Variants in TIAM2 observed in about 807,000 individuals in gnomAD.
TIAM2 encodes TIAM Rac1 associated GEF 2.
A neutral mutation model predicts 152.9 loss-of-function variants in TIAM2; 80 were observed. The ratio of observed to expected loss-of-function variants is 0.52; its 90% CI spans 0.44 to 0.63. TIAM2 has a LOEUF of 0.63. TIAM2 is among the 30% of genes least tolerant of loss of function. The pLI is 0.00. For missense variants in TIAM2, 1,965 were observed against 2,120.1 expected (o/e 0.93, Z 1.44); for synonymous variants, 804 against 838.0 (o/e 0.96, Z 0.70).
At position 155,130,431 on chromosome 6, in the gene TIAM2, A is replaced by G. The variant is rs1200448209; in HGVS notation, c.1194+14A>G. The stretch of plus-strand genomic sequence containing the variant: ...AGGAAACTCCAGGTGAGCATACCTT[A>G]GAGCAGAGGGAAGGGTCCCCACAGT... On this transcript the variant is annotated intron_variant, in intron 4 of 26. Coordinates refer to ENST00000682666, the MANE Select transcript of TIAM2 (RefSeq NM_012454.4). 1.9e-6 allele frequency: 3 copies of G among 1,604,804 alleles called. No individual in the cohort carries two copies. The highest frequency in any genetic ancestry group is 1.7e-5 in the Admixed American group (1 of 58,144).
intron 6 of TIAM2, among the ~76,000 whole-genome samples, chr6:155,146,730 T>A (rs1380295556): frequency 6.6e-6 from 1 of 151,470 alleles, no homozygotes; most frequent in Non-Finnish European, 1.5e-5. Flanking sequence ...GCTTCCTAAG[T>A]AGCTGGGATT....
chr6:155,250,973 T>TTTC lies in TIAM2; in HGVS notation c.4014_4016dup (p.Leu1339dup). 6.2e-7 allele frequency: 1 copy of TTTC among 1,614,218 alleles called. No homozygotes were observed. The highest frequency in any genetic ancestry group is 2.2e-5 in the East Asian group (1 of 44,872). The stretch of plus-strand genomic sequence containing the variant: ...CTCTACGGTTTCCTGGTTGAATCCA[T>TTTC]TTCTGTCTCTAGGAAAAGCTAGAAA... On this transcript the variant is annotated inframe_insertion, in exon 22 of 27. Transcript: ENST00000682666.
chr6:155,203,048 CAAAAAAAAAAAA>C (rs59836931), intron 14 of TIAM2, among the ~76,000 whole-genome samples: 1 of 78,920 alleles, frequency 1.3e-5, no homozygotes. Flanking sequence ...AACTCTGTCT[CAAAAAAAAAAAA>C]AAAAAAAAAA....
intron 14 of TIAM2, among the ~76,000 whole-genome samples, chr6:155,207,715 C>G (rs191505249): frequency 4.8e-4 from 73 of 152,282 alleles, no homozygotes; most frequent in Admixed American, 4.3e-3. Flanking sequence ...AAAGCTAAGC[C>G]TTTATCCTGG....
At chr6:155,000,529 C>CAAAAA (rs58867200) in intron 1 of TIAM2, among the ~76,000 whole-genome samples, 3 of 97,730 alleles carry the variant, frequency 3.1e-5, no homozygotes, top group African/African-American at 3.9e-5. Flanking sequence ...GAAACTGTTG[C>CAAAAA]AAAAAAAAAA....
intron 5 of TIAM2, among the ~76,000 whole-genome samples, chr6:155,141,083 C>T (rs994101126): frequency 3.3e-5 from 5 of 152,138 alleles, no homozygotes; most frequent in Non-Finnish European, 7.4e-5. Flanking sequence ...CTGAGCATTG[C>T]TAGATTTGTA....
At chr6:155,225,796 G>T (rs779352336) in intron 15 of TIAM2, among the ~76,000 whole-genome samples, 1 of 152,168 alleles carries the variant, frequency 6.6e-6, no homozygotes, top group African/African-American at 2.4e-5. Context: ...GATAGGTATT[G>T]TTCCATATAA....
At chr6:155,065,660 G>A (rs1777677390) in intron 1 of TIAM2, among the ~76,000 whole-genome samples, 1 of 152,110 alleles carries the variant, frequency 6.6e-6, no homozygotes, top group African/African-American at 2.4e-5. Context: ...TGTAGTGCCA[G>A]CTCCATGGGA....
At chr6:155,172,674 ATATATATATATATTTTTTTTTTTTTT>A (rs1211043277) in intron 9 of TIAM2, among the ~76,000 whole-genome samples, 3 of 13,270 alleles carry the variant, frequency 2.3e-4, no homozygotes, top group African/African-American at 3.8e-4. Context: ...ATATATATAT[ATATATATATATATTTTTTTTTTTTTT>A]TTTTTTTTTT....
chr6:155,155,516 C>A (rs1562335023), intron 7 of TIAM2, among the ~76,000 whole-genome samples: 2 of 152,158 alleles, frequency 1.3e-5, no homozygotes. Flanking sequence ...TCTCTGTCGC[C>A]CAGGCTGGAA....
chr6:155,198,279 G>A (rs1159193168), intron 14 of TIAM2, among the ~76,000 whole-genome samples: 1 of 152,198 alleles, frequency 6.6e-6, no homozygotes, highest in African/African-American at 2.4e-5. Context: ...GAGTGTAAAG[G>A]ATGTTTCAGA....
At chr6:155,028,840 CT>C (rs1776711909) in intron 1 of TIAM2, among the ~76,000 whole-genome samples, 1 of 128,780 alleles carries the variant, frequency 7.8e-6, no homozygotes, top group South Asian at 2.4e-4. Context: ...TATATATATA[CT>C]ATGTTATATA....
intron 1 of TIAM2, among the ~76,000 whole-genome samples, chr6:155,026,604 T>G (rs989639884): frequency 6.6e-6 from 1 of 152,244 alleles, no homozygotes; most frequent in Non-Finnish European, 1.5e-5. Flanking sequence ...GGACTGGCAG[T>G]CCTTGAGGGA....
At chr6:155,021,948 C>A (rs1164339686) in intron 1 of TIAM2, among the ~76,000 whole-genome samples, 2 of 152,202 alleles carry the variant, frequency 1.3e-5, no homozygotes, top group Non-Finnish European at 2.9e-5. Context: ...TGACCTCCTG[C>A]CTCTTTCTGC....
At chr6:155,202,978 G>A (rs929684308) in intron 14 of TIAM2, among the ~76,000 whole-genome samples, 3 of 148,790 alleles carry the variant, frequency 2.0e-5, no homozygotes, top group Non-Finnish European at 4.4e-5. Flanking sequence ...ACACCTGGGA[G>A]GCGGAGGTCG....
At chr6:155,155,172 GAA>G (rs1207277615) in intron 7 of TIAM2, among the ~76,000 whole-genome samples, 1 of 152,074 alleles carries the variant, frequency 6.6e-6, no homozygotes, top group Non-Finnish European at 1.5e-5. Flanking sequence ...GGGAGATGGT[GAA>G]AGTGTTATTT....
chr6:155,233,283 T>C (rs1230945982), intron 15 of TIAM2, among the ~76,000 whole-genome samples: 1 of 152,180 alleles, frequency 6.6e-6, no homozygotes, highest in Non-Finnish European at 1.5e-5. Context: ...ATATCAAAGT[T>C]GTTGTGATCA....
chr6:155,216,858 C>A (rs1321002247), intron 15 of TIAM2: 21 of 1,141,162 alleles, frequency 1.8e-5, no homozygotes, highest in Non-Finnish European at 2.3e-5. Flanking sequence ...GGAAACAGAG[C>A]AGGGGGCCAG....
At chr6:155,206,669 T>A (rs996420644) in intron 14 of TIAM2, among the ~76,000 whole-genome samples, 4 of 152,150 alleles carry the variant, frequency 2.6e-5, no homozygotes, top group African/African-American at 9.7e-5. Context: ...AAATGACACA[T>A]CCAAATTGAG....
Sources: gnomAD v4.1 joint callset for allele counts (sites outside exome capture counted in the v4.1 genomes callset) on GRCh38, gnomAD v4.1.1 for gene constraint, MANE v1.5 for transcripts, NCBI Gene and HGNC (gene_info 2026-07-23, HGNC 2026-07-21) for gene names.